The following PREX1 variants were observed in gnomAD, a reference collection of about 807,000 sequenced individuals.
The protein encoded by PREX1 is phosphatidylinositol-3,4,5-trisphosphate dependent Rac exchange factor 1.
Under a neutral mutation model 198.3 loss-of-function variants are expected in PREX1, and 41 were observed. The observed-to-expected ratio is 0.21, with a 90% CI of 0.16 to 0.27. PREX1 has a LOEUF of 0.27. Ranked by LOEUF, PREX1 falls within the 10% of genes least tolerant of loss-of-function variation. The pLI is 1.00. For synonymous variants in PREX1, 843 were observed against 887.2 expected (o/e 0.95, Z 0.89); for missense variants, 1,620 against 2,200.7 (o/e 0.74, Z 5.28).
chr20:48,627,608 C>T lies in PREX1; in HGVS notation c.4877G>A (p.Arg1626Lys). Residue 1626 changes from arginine to lysine, a missense_variant, in exon 39 of 40, where the codon AGG (arginine) becomes AAG (lysine). Transcript: ENST00000371941. Reference sequence around the variant, plus strand: ...CAGGTTTTTGGCCAGAATCTCCACCCTTGGGCCCTGGAAGAAGGAACCATC... The same window carrying T: ...CAGGTTTTTGGCCAGAATCTCCACCTTTGGGCCCTGGAAGAAGGAACCATC... ...ATDIMRKQGP[R>K]VEILAKNLRV... The T allele has an allele frequency of 1.9e-6, 3 of 1,612,508 alleles. No homozygotes were observed. Among genetic ancestry groups the T allele is most frequent in the Non-Finnish European group, 2.5e-6 (3 of 1,179,450 alleles).
intron 15 of PREX1, among the ~76,000 whole-genome samples, chr20:48,665,755 T>C (rs1351813434): frequency 4.6e-5 from 7 of 152,198 alleles, no homozygotes; most frequent in Non-Finnish European, 7.3e-5. Context: ...TCGTCCTCCT[T>C]CTTGCCATCT....
chr20:48,792,448 C>A (rs2090342743), intron 1 of PREX1, among the ~76,000 whole-genome samples: 1 of 151,802 alleles, frequency 6.6e-6, no homozygotes. Context: ...CCAGCCTGGG[C>A]AACAAGAGCA....
At position 48,726,164 on chromosome 20, in the gene PREX1, G is replaced by A. The variant is rs1004202331; in HGVS notation, c.621+126C>T. Reference sequence around the variant, plus strand: ...ACGAGAGAGAAAGAGGCAGGGTCCTGGTTTAAATCCAGCCCGGCCCAAAGC... The same window carrying A: ...ACGAGAGAGAAAGAGGCAGGGTCCTAGTTTAAATCCAGCCCGGCCCAAAGC... On this transcript the variant is annotated intron_variant, in intron 5 of 39. Transcript: ENST00000371941. 13 of 734,996 alleles carry A rather than the reference G, an allele frequency of 1.8e-5. No homozygotes were observed. In the East Asian group the frequency reaches 2.8e-4, roughly 16 times the overall value. 45.5% of individuals were successfully genotyped at this position (734,996 alleles called of 1,614,324 possible).
intron 1 of PREX1, among the ~76,000 whole-genome samples, chr20:48,823,087 C>T (rs540832814): frequency 2.0e-4 from 31 of 152,200 alleles, no homozygotes; most frequent in African/African-American, 7.2e-4. Context: ...CTCCAAAAAG[C>T]AGAACCACAG....
upstream of PREX1, among the ~76,000 whole-genome samples, chr20:48,831,556 C>T (rs566994711): frequency 9.2e-5 from 14 of 152,332 alleles, no homozygotes; most frequent in Non-Finnish European, 1.9e-4. Flanking sequence ...AGACAAGTTC[C>T]TCCTCTCATG....
intron 10 of PREX1, among the ~76,000 whole-genome samples, chr20:48,687,913 G>C (rs1460052715): frequency 6.6e-6 from 1 of 152,200 alleles, no homozygotes. Context: ...TGGGCACTGA[G>C]AAGTTTATAG....
At position 48,764,794 on chromosome 20, in the gene PREX1, A is replaced by G. The variant is rs565684215; in HGVS notation, c.220-16914T>C. Among the ~76,000 whole-genome samples, 7 of 148,312 alleles carry G rather than the reference A, an allele frequency of 4.7e-5. No individual in the cohort carries two copies. In the East Asian group the frequency reaches 5.9e-4, roughly 12 times the overall value. ...AAGACTCTTTCTCAAAAAAAAAAAA[A>G]AAAGAAAGAAAGAAAGAAAAAGAGG... On this transcript the variant is annotated intron_variant, in intron 1 of 39. Coordinates refer to ENST00000371941, the MANE Select transcript of PREX1 (RefSeq NM_020820.4).
rs748112228 is a variant in PREX1, at chr20:48,651,563, C to G, written c.2488G>C (p.Gly830Arg). ...ADSAFPLLSL[G>R]PRLSLCEDSP... ...TCCTCACACAGGCTCAGCCGGGGACCCAGGGACAGCAGTGGGAAGGCTGGA... is the reference window on the plus strand; with the variant it reads ...TCCTCACACAGGCTCAGCCGGGGACGCAGGGACAGCAGTGGGAAGGCTGGA... The change falls in exon 22 of 40, where the codon GGT becomes CGT. Residue 830 changes from glycine (G) to arginine (R), a missense_variant. Gly to Arg is a moderately radical substitution (Grantham distance 125, BLOSUM62 -2). Transcript: ENST00000371941. The G allele has an allele frequency of 6.2e-7, 1 of 1,613,760 alleles. No homozygotes were observed. The highest frequency in any genetic ancestry group is 1.1e-5 in the South Asian group (1 of 91,012).
chr20:48,816,584 T>C (rs2090460163), intron 1 of PREX1, among the ~76,000 whole-genome samples: 2 of 152,062 alleles, frequency 1.3e-5, no homozygotes, highest in African/African-American at 4.8e-5. Context: ...TCAAAGCAAG[T>C]GATTCACCTG....
At chr20:48,692,910 G>T in intron 7 of PREX1, 120 bp from the exon 8 acceptor site, 1 of 814,980 alleles carries the variant, frequency 1.2e-6, no homozygotes, top group Non-Finnish European at 2.1e-6. Flanking sequence ...GGAGCCCCAG[G>T]TAGGGGTCAG....
chr20:48,642,999 C>T (rs2089425552), intron 27 of PREX1, among the ~76,000 whole-genome samples: 1 of 152,160 alleles, frequency 6.6e-6, no homozygotes, highest in Admixed American at 6.5e-5. Flanking sequence ...CACAGACTAT[C>T]TCTGAAAAGA....
In PREX1 at chr20:48,684,217, C is replaced by G. The variant is rs1279589648; in HGVS notation, c.1335-2882G>C. 1.3e-5 allele frequency among the ~76,000 whole-genome samples: 2 copies of G among 152,200 alleles called. No homozygotes were observed. The highest frequency in any genetic ancestry group is 2.9e-5 in the Non-Finnish European group (2 of 68,030). On this transcript the variant is annotated intron_variant, in intron 10 of 39. Coordinates refer to ENST00000371941, the MANE Select transcript of PREX1 (RefSeq NM_020820.4). The surrounding 1 kb of genome is among the most constrained non-coding windows in gnomAD (Gnocchi z 4.2). Reference sequence around the variant, plus strand: ...CAGGGTGAGGCACAAGGAATACATTCTGCAGTCTTCCTAAGAAAGCCGCCT... The same window carrying G: ...CAGGGTGAGGCACAAGGAATACATTGTGCAGTCTTCCTAAGAAAGCCGCCT...
At chr20:48,869,274 G>GT in the PREX1 span, among the ~76,000 whole-genome samples, 2 of 146,672 alleles carry the variant, frequency 1.4e-5, no homozygotes, top group Non-Finnish European at 3.0e-5. Flanking sequence ...TTTTTGCAGT[G>GT]TTTTTTTGTT....
chr20:48,729,480 C>T (rs2090025139), intron 4 of PREX1, among the ~76,000 whole-genome samples: 1 of 152,130 alleles, frequency 6.6e-6, no homozygotes, highest in Non-Finnish European at 1.5e-5. Flanking sequence ...CCCCCAATGC[C>T]CCACCTGGAT....
intron 31 of PREX1, among the ~76,000 whole-genome samples, chr20:48,637,125 T>C (rs1025542835): frequency 8.5e-5 from 13 of 152,228 alleles, no homozygotes; most frequent in Admixed American, 7.2e-4. Flanking sequence ...CTATGCTTTC[T>C]TCCTTCCCCC....
the PREX1 span, among the ~76,000 whole-genome samples, chr20:48,853,205 C>A: frequency 6.6e-6 from 1 of 152,300 alleles, no homozygotes; most frequent in South Asian, 2.1e-4. Context: ...ACTTCTAATG[C>A]TCAGACATGA....
chr20:48,798,698 C>T (rs182862548), intron 1 of PREX1, among the ~76,000 whole-genome samples: 60 of 152,308 alleles, frequency 3.9e-4, no homozygotes, highest in African/African-American at 1.4e-3. Flanking sequence ...CAAGCTCCCA[C>T]GGTGATACTG....
At chr20:48,657,215 G>A (rs775943658) in intron 17 of PREX1, 27 bp from the exon 18 acceptor site, 27 of 1,609,760 alleles carry the variant, frequency 1.7e-5, no homozygotes, top group Admixed American at 8.3e-5. Context: ...GAGGACAGAC[G>A]TGCACACCAG....
chr20:48,631,566 C>A (rs2089314684), intron 35 of PREX1, among the ~76,000 whole-genome samples: 1 of 152,186 alleles, frequency 6.6e-6, no homozygotes, highest in African/African-American at 2.4e-5. Flanking sequence ...CCTGATCAAT[C>A]CAAACAGATG....
Sources: allele counts gnomAD v4.1 joint callset (sites outside exome capture counted in the v4.1 genomes callset), GRCh38; gene constraint gnomAD v4.1.1; non-coding constraint Gnocchi (gnomAD v3.1); transcripts MANE v1.5; gene names NCBI Gene and HGNC (gene_info 2026-07-23, HGNC 2026-07-21).